Variants in EPHA10 observed in about 807,000 individuals in gnomAD.
The protein encoded by EPHA10 is ephrin type-A receptor 10.
In EPHA10, 120 loss-of-function variants were observed where a neutral mutation model predicts 109.7. That is an observed-to-expected ratio of 1.09 (90% CI 0.94 to 1.27). The LOEUF (loss-of-function observed/expected upper bound fraction) is 1.27, where lower values mean the gene tolerates loss of function less well. Ranked by LOEUF, EPHA10 falls within the 50% of genes most tolerant of loss-of-function variation. The pLI, the probability that EPHA10 is intolerant of heterozygous loss-of-function variation, is 0.00. For synonymous variants in EPHA10, 640 were observed against 618.9 expected, an observed-to-expected ratio of 1.03 and a Z score of -0.51; for missense variants, 1,396 against 1,411.1, an observed-to-expected ratio of 0.99 and a Z score of 0.17.
chr1:37,725,725 G>C (rs7546741), intron 8 of EPHA10, among the ~76,000 whole-genome samples: 41,312 of 151,854 alleles, frequency 0.27, 5,900 homozygotes, highest in Middle Eastern at 0.42. Context: ...GAGATGAAGG[G>C]GGGAAGGCTG....
chr1:37,733,072 T>TC (rs1196120296), intron 6 of EPHA10, among the ~76,000 whole-genome samples: 1 of 150,232 alleles, frequency 6.7e-6, no homozygotes, highest in Non-Finnish European at 1.5e-5. Context: ...TTTGTTTTTT[T>TC]AATAGAGACT....
chr1:37,729,580 A>C (rs747122449), intron 7 of EPHA10, among the ~76,000 whole-genome samples: 1 of 152,010 alleles, frequency 6.6e-6, no homozygotes, highest in African/African-American at 2.4e-5. Context: ...AGAAAAAAGA[A>C]AAAGATCCTG....
rs1191809425 is a variant in EPHA10 at position 37,753,099 on chromosome 1, C to A, written c.1134G>T (p.Leu378=). The change falls in exon 5 of 17, where the codon CTG becomes CTT. Residue 378 remains leucine, a synonymous_variant. Transcript: ENST00000373048. ...CCGCCGGGCCCTCGCGGCCGCAGCG[C>A]AGGCACAGCAGCGAGTAGGTGACGT... ...RSDVTYSLLC[L]RCGREGPAGA... 4.4e-6 allele frequency: 6 copies of A among 1,362,494 alleles called. No homozygotes were observed. The African/African-American group carries it at 7.6e-5, about 17-fold the overall frequency. 84.4% of individuals were successfully genotyped at this position (1,362,494 alleles called of 1,614,324 possible). A position where few individuals can be genotyped will look rare whatever the true frequency, so the allele number is the denominator to read the frequency against.
At position 37,753,056 on chromosome 1, in the gene EPHA10, C is replaced by G. The variant is rs915110152; in HGVS notation, c.1177G>C (p.Gly393Arg). The G allele has an allele frequency of 6.4e-6, 8 of 1,256,452 alleles. 1 individual carries two copies. In the Admixed American group the frequency reaches 2.1e-4, roughly 33 times the overall value. The allele number at this position is 1,256,452 out of a possible 1,614,324, so 77.8% of individuals were successfully genotyped here. ...CGCGGTAGGAAGGCCACGCGCGGCC[C>G]GCACGGCTCGCAGGCGCCCGCCGGG... ...EGPAGACEPC[G>R]PRVAFLPRQA... Residue 393 changes from glycine (G) to arginine (R), a missense_variant, in exon 5 of 17, where the codon GGG becomes CGG. By Grantham distance (125) the Gly-to-Arg change is moderately radical. Transcript: ENST00000373048.
At chr1:37,723,963 G>T (rs1645846053) in intron 8 of EPHA10, among the ~76,000 whole-genome samples, 1 of 152,396 alleles carries the variant, frequency 6.6e-6, no homozygotes, top group Non-Finnish European at 1.5e-5. Flanking sequence ...TAGGGGCAGG[G>T]CCTTGCTGGC....
intron 5 of EPHA10, among the ~76,000 whole-genome samples, chr1:37,751,517 T>C (rs1189445994): frequency 3.0e-5 from 4 of 133,322 alleles, no homozygotes; most frequent in African/African-American, 8.5e-5. Flanking sequence ...TGCCATGAAC[T>C]GTGATCACAC....
intron 3 of EPHA10, chr1:37,761,049 A>T: frequency 2.7e-6 from 2 of 744,386 alleles, no homozygotes; most frequent in Non-Finnish European, 3.5e-6. Context: ...AAGCCAGTGC[A>T]CTCCAGCCTG....
In EPHA10 at chr1:37,720,376, C is replaced by A. The variant is rs372556495; in HGVS notation, c.2387G>T (p.Arg796Leu). 1.2e-6 allele frequency: 2 copies of A among 1,611,242 alleles called. No individual in the cohort carries two copies. The highest frequency in any genetic ancestry group is 2.2e-5 in the East Asian group (1 of 44,840). ...ISGFGRGPRD[R>L]SEAVYTTMSG... ...CATAGTGGTGTAGACAGCCTCTGAT[C>A]GGTCCCGGGGGCCCCGCCCGAAGCC... is the stretch of plus-strand genomic sequence containing the variant. Residue 796 changes from arginine to leucine, a missense_variant, in exon 13 of 17, where the codon CGA becomes CTA. Coordinates refer to ENST00000373048, the MANE Select transcript of EPHA10 (RefSeq NM_001099439.2).
chr1:37,734,305 G>A (rs560859410), intron 6 of EPHA10, among the ~76,000 whole-genome samples: 4 of 152,208 alleles, frequency 2.6e-5, no homozygotes, highest in African/African-American at 2.4e-5. Flanking sequence ...AGGCTAAGGC[G>A]GGTGGATCAC....
chr1:37,761,073 G>T (rs1466854393), intron 3 of EPHA10: 4 of 999,048 alleles, frequency 4.0e-6, no homozygotes, highest in Non-Finnish European at 5.0e-6. Context: ...AACAGAGCAA[G>T]AGAGACTCCT....
chr1:37,757,563 C>A (rs992575942), intron 3 of EPHA10, among the ~76,000 whole-genome samples: 5 of 152,178 alleles, frequency 3.3e-5, no homozygotes, highest in Non-Finnish European at 5.9e-5. Flanking sequence ...GTGAAGCTTT[C>A]CTTGGCATTG....
chr1:37,721,414 CG>C (rs779707476), intron 11 of EPHA10, among the ~76,000 whole-genome samples: 66 of 144,206 alleles, frequency 4.6e-4, no homozygotes, highest in Middle Eastern at 6.9e-3. Context: ...GGCAACAGAG[CG>C]AGACTCCATC....
chr1:37,735,448 G>T, intron 5 of EPHA10, 58 bp from the exon 6 acceptor site: 1 of 1,535,104 alleles, frequency 6.5e-7, no homozygotes, highest in Non-Finnish European at 8.8e-7. Flanking sequence ...AGGGCTGGGG[G>T]TGCGGGGAAG....
At chr1:37,756,077 G>A (rs577702652) in intron 3 of EPHA10, among the ~76,000 whole-genome samples, 15 of 152,180 alleles carry the variant, frequency 9.9e-5, no homozygotes, top group South Asian at 8.3e-4. Flanking sequence ...GGAGGGGCTC[G>A]GCAGCCCAGG....
intron 5 of EPHA10, among the ~76,000 whole-genome samples, chr1:37,747,385 C>G (rs1646255558): frequency 6.6e-6 from 1 of 151,850 alleles, no homozygotes; most frequent in African/African-American, 2.4e-5. Context: ...ACCCCCATCT[C>G]TACAAAAAAC....
At chr1:37,735,527 C>A (rs1646056046) in intron 5 of EPHA10, 137 bp from the exon 6 acceptor site, 2 of 1,057,980 alleles carry the variant, frequency 1.9e-6, no homozygotes, top group Non-Finnish European at 2.7e-6. Context: ...GGGCTGTGGG[C>A]GGGGCTAGGG....
intron 12 of EPHA10, 49 bp from the exon 13 acceptor site, chr1:37,720,603 G>A: frequency 1.9e-6 from 3 of 1,573,672 alleles, no homozygotes; most frequent in Non-Finnish European, 2.6e-6. Flanking sequence ...GGATCCCCTG[G>A]TGTTGTGTGA....
intron 1 of EPHA10, among the ~76,000 whole-genome samples, chr1:37,763,827 G>T (rs992340565): frequency 6.6e-6 from 1 of 152,210 alleles, no homozygotes; most frequent in Non-Finnish European, 1.5e-5. Context: ...AAACAATGTG[G>T]AGAGATACTG....
rs569336719 is a variant in EPHA10 at position 37,727,035 on chromosome 1, G to A, written c.1772+67C>T. On this transcript the variant is annotated intron_variant, in intron 8 of 16. Coordinates refer to ENST00000373048, the MANE Select transcript of EPHA10 (RefSeq NM_001099439.2). Reference sequence around the variant, plus strand: ...GTGCAAAGTGGGCAGAGATGCCTGTGAGCACACATTAATGTGCACGGGACA... The same window carrying A: ...GTGCAAAGTGGGCAGAGATGCCTGTAAGCACACATTAATGTGCACGGGACA... 167 of 1,289,536 alleles carry A rather than the reference G, an allele frequency of 1.3e-4. 1 individual carries two copies. The highest frequency in any genetic ancestry group is 9.9e-4 in the South Asian group (70 of 70,878). 79.9% of individuals were successfully genotyped at this position (1,289,536 alleles called of 1,614,324 possible). A position where few individuals can be genotyped will look rare whatever the true frequency, so the allele number is the denominator to read the frequency against.
Sources: allele counts gnomAD v4.1 joint callset (sites outside exome capture counted in the v4.1 genomes callset), GRCh38; gene constraint gnomAD v4.1.1; transcripts MANE v1.5; gene names NCBI Gene and HGNC (gene_info 2026-07-23, HGNC 2026-07-21).